Variants in ART3 observed in about 807,000 individuals in gnomAD.
ART3 encodes the protein ADP-ribosyltransferase 3 (inactive).
A neutral mutation model predicts 48.5 loss-of-function variants in ART3; 49 were observed. That is an observed-to-expected ratio of 1.01 (90% CI 0.80 to 1.28). The LOEUF is 1.28. Among genes scored for constraint, ART3 ranks in the 50% most tolerant of loss-of-function variants. The pLI is 0.00. For synonymous variants in ART3, 145 were observed against 157.2 expected (o/e 0.92, Z 0.58); for missense variants, 438 against 454.3 (o/e 0.96, Z 0.33).
In ART3 at chr4:76,052,838, C is replaced by T. The variant is rs533171694; in HGVS notation, c.-9-23043C>T. On this transcript the variant is annotated intron_variant, in intron 1 of 9. Coordinates refer to the ART3 transcript ENST00000341029. ...CAAGCAAACAGATTCAAGCAATTCT[C>T]GTGCCTCAGCCTCCCAAGTTGCTAG... is the stretch of plus-strand genomic sequence containing the variant. Among the ~76,000 whole-genome samples the T allele has an allele frequency of 9.2e-5, 14 of 151,974 alleles. No homozygotes were observed. In the South Asian group the frequency reaches 1.9e-3, roughly 20 times the overall value.
At position 76,087,219 on chromosome 4, in the gene ART3, G is replaced by C. The variant is rs1465908396; in HGVS notation, c.781+4684G>C. Among the ~76,000 whole-genome samples, 5 of 152,204 alleles carry C rather than the reference G, an allele frequency of 3.3e-5. 1 individual carries two copies. Among genetic ancestry groups the C allele is most frequent in the Admixed American group, 3.3e-4 (5 of 15,288 alleles). ...TGAAAGAACCAAAGAGGTTCTATTG[G>C]ATTGATTCTGAAAATGCCAGAGTTC... is the stretch of plus-strand genomic sequence containing the variant. On this transcript the variant is annotated intron_variant, in intron 3 of 11. Transcript: ENST00000355810.
intron 11 of ART3, among the ~76,000 whole-genome samples, chr4:76,110,161 A>T (rs1167499283): frequency 6.6e-6 from 1 of 152,170 alleles, no homozygotes; most frequent in East Asian, 1.9e-4. Flanking sequence ...CAATGCAGCT[A>T]TAGTTAGCCC....
intron 4 of ART3, 62 bp from the exon 5 acceptor site, chr4:76,098,893 A>G: frequency 2.2e-6 from 3 of 1,360,360 alleles, no homozygotes; most frequent in Non-Finnish European, 3.1e-6. Context: ...TTAAAAATAG[A>G]CTGATCCTGA....
chr4:76,082,347 T>G lies in ART3; in HGVS notation c.593T>G (p.Leu198Arg). The G allele has an allele frequency of 6.2e-7, 1 of 1,614,004 alleles. No homozygotes were observed. Among genetic ancestry groups the G allele is most frequent in the Non-Finnish European group, 8.5e-7 (1 of 1,179,994 alleles). ...AAACCTCAGGCTGCTAATGACCAGC[T>G]CACTGTGTTATCCATCTACACATGC... ...SAKPQAANDQ[L>R]TVLSIYTCLG... The change falls in exon 3 of 12, where the codon CTC (leucine) becomes CGC (arginine). Residue 198 changes from leucine to arginine, a missense_variant. This residue lies in a region of ART3 where 227 missense variants were observed against 229.6 expected (regional missense o/e 0.99). Transcript: ENST00000355810.
chr4:76,035,146 A>AATT (rs1387955990), intron 1 of ART3: 10 of 1,613,000 alleles, frequency 6.2e-6, no homozygotes, highest in Non-Finnish European at 8.5e-6. Context: ...CAAGAGTCTT[A>AATT]AAGTTTAGAT....
At chr4:76,017,670 C>A (rs554168888) in intron 1 of ART3, among the ~76,000 whole-genome samples, 52 of 152,328 alleles carry the variant, frequency 3.4e-4, no homozygotes, top group African/African-American at 1.2e-3. Flanking sequence ...CTAGGACTTG[C>A]AATCCTTGTG....
intron 1 of ART3, among the ~76,000 whole-genome samples, chr4:76,040,256 C>G (rs369043831): frequency 6.6e-6 from 1 of 152,062 alleles, no homozygotes; most frequent in East Asian, 1.9e-4. Context: ...ACCCAGAAGG[C>G]GGAAGTTGCA....
intron 1 of ART3, among the ~76,000 whole-genome samples, chr4:76,056,422 T>C (rs555201887): frequency 4.6e-5 from 7 of 152,304 alleles, no homozygotes; most frequent in African/African-American, 1.7e-4. Context: ...CAGAGAGGAC[T>C]TTGAACATAT....
intron 1 of ART3, among the ~76,000 whole-genome samples, chr4:76,049,113 C>G (rs58591414): frequency 6.6e-6 from 1 of 151,914 alleles, no homozygotes; most frequent in Admixed American, 6.5e-5. Context: ...CCCACTATGA[C>G]GGGGCTTTGG....
At chr4:76,098,728 C>A (rs1400154568) in intron 4 of ART3, among the ~76,000 whole-genome samples, 1 of 152,018 alleles carries the variant, frequency 6.6e-6, no homozygotes, top group Non-Finnish European at 1.5e-5. Flanking sequence ...CCACTGCACT[C>A]CAGCCTGGGC....
chr4:76,033,369 A>G (rs1012670295), intron 1 of ART3, among the ~76,000 whole-genome samples: 5 of 152,146 alleles, frequency 3.3e-5, no homozygotes, highest in Non-Finnish European at 7.3e-5. Flanking sequence ...TTGTGATGCC[A>G]GCTGGAGTTC....
chr4:76,072,723 T>C (rs12500739), upstream of ART3, among the ~76,000 whole-genome samples: 28,150 of 147,506 alleles, frequency 0.19, 4,684 homozygotes, highest in African/African-American at 0.45. Flanking sequence ...CCTGCAGAGA[T>C]TGACATGGTC....
chr4:76,081,772 A>T, intron 2 of ART3, 52 bp from the exon 3 acceptor site: 2 of 1,530,176 alleles, frequency 1.3e-6, no homozygotes. Context: ...AGAGAAAATG[A>T]TATTCACTGA....
chr4:76,104,566 G>GT (rs1560655710), intron 9 of ART3, 31 bp from the exon 10 acceptor site: 2 of 1,551,532 alleles, frequency 1.3e-6, no homozygotes, highest in Non-Finnish European at 1.7e-6. Context: ...GGAGCAAACT[G>GT]TAAGTCATTG....
At chr4:76,047,454 G>C (rs369679476) in intron 1 of ART3, among the ~76,000 whole-genome samples, 5 of 151,960 alleles carry the variant, frequency 3.3e-5, no homozygotes, top group African/African-American at 1.2e-4. Context: ...TTACCCCCGA[G>C]TGATTCAGGT....
chr4:76,022,465 T>C (rs372262736), intron 1 of ART3: 288 of 1,608,340 alleles, frequency 1.8e-4, no homozygotes, highest in Non-Finnish European at 2.4e-4. Context: ...ACTGTAGAAA[T>C]AAATAGGGAT....
At chr4:76,074,847 G>A (rs935879038) in intron 1 of ART3, 28 bp downstream of exon 1, 13 of 152,154 alleles carry the variant, frequency 8.5e-5, no homozygotes, top group African/African-American at 2.9e-4. Flanking sequence ...TTTACACTCA[G>A]ACTAAAGAAA....
chr4:76,032,687 C>T (rs999482513), intron 1 of ART3, among the ~76,000 whole-genome samples: 7 of 149,762 alleles, frequency 4.7e-5, no homozygotes, highest in African/African-American at 1.7e-4. Flanking sequence ...CGGGTTCAAG[C>T]GATTCTCCTG....
At chr4:76,086,059 TCC>T (rs67789570) in intron 3 of ART3, among the ~76,000 whole-genome samples, 6 of 130,808 alleles carry the variant, frequency 4.6e-5, no homozygotes, top group Admixed American at 2.3e-4. Flanking sequence ...TCAACAAGAG[TCC>T]CCCCCCCCGC....
Sources: gnomAD v4.1 joint callset for allele counts (sites outside exome capture counted in the v4.1 genomes callset) on GRCh38, gnomAD v4.1.1 for gene constraint, gnomAD v4.1.1 regional missense constraint, MANE v1.5 for transcripts, NCBI Gene and HGNC (gene_info 2026-07-23, HGNC 2026-07-21) for gene names.